Variants in ACTG2 observed in about 807,000 individuals in gnomAD.
ACTG2 encodes the protein actin gamma 2, smooth muscle, also known as actin, gamma-enteric smooth muscle.
A neutral mutation model predicts 37.6 loss-of-function variants in ACTG2; 16 were observed. That is an observed-to-expected ratio of 0.43 (90% CI 0.29 to 0.65). The LOEUF is 0.65. ACTG2 is among the 30% of genes least tolerant of loss of function. ACTG2 has a pLI of 0.18. For synonymous variants in ACTG2, 181 were observed against 179.9 expected (o/e 1.01, Z -0.05); for missense variants, 238 against 490.9 (o/e 0.48, Z 4.87).
At chr2:73,906,984 C>T (rs1285055061) in intron 3 of ACTG2, among the ~76,000 whole-genome samples, 12 of 152,168 alleles carry the variant, frequency 7.9e-5, no homozygotes, top group Non-Finnish European at 2.9e-5. Flanking sequence ...CTCCTTAAGA[C>T]CAGTTGCTGT....
Position 73,917,505 on chromosome 2 carries a change from G to T in ACTG2, c.987+740G>T, listed in dbSNP as rs117970165. 8.7e-4 allele frequency among the ~76,000 whole-genome samples: 133 copies of T among 152,300 alleles called. 1 individual carries two copies. The East Asian group carries it at 0.023, about 27-fold the overall frequency. On this transcript the variant is annotated intron_variant, in intron 8 of 8. Transcript: ENST00000345517. ...GGATGGGAGCTTCTCTTCTGCCTCT[G>T]GTCTCCAAGCAGTCACACAGACATT...
chr2:73,904,779 A>C (rs1721246), intron 3 of ACTG2, among the ~76,000 whole-genome samples: 1 of 13,526 alleles, frequency 7.4e-5, no homozygotes, highest in Non-Finnish European at 1.5e-4. Flanking sequence ...GTGTGTGTGT[A>C]TATATATATA....
At chr2:73,893,856 T>C (rs34588812) in intron 1 of ACTG2, among the ~76,000 whole-genome samples, 39,468 of 152,024 alleles carry the variant, frequency 0.26, 5,765 homozygotes, top group African/African-American at 0.39. Context: ...GAAGATGAGA[T>C]GAAGGGGCCA....
At chr2:73,896,454 G>A (rs917265106) in intron 1 of ACTG2, among the ~76,000 whole-genome samples, 8 of 151,892 alleles carry the variant, frequency 5.3e-5, no homozygotes, top group Non-Finnish European at 1.0e-4. Flanking sequence ...CTTCATTTCC[G>A]TTCTGTCATC....
At chr2:73,904,670 A>T (rs1340394786) in intron 3 of ACTG2, among the ~76,000 whole-genome samples, 2 of 149,566 alleles carry the variant, frequency 1.3e-5, no homozygotes, top group African/African-American at 4.9e-5. Context: ...TTTTTTTTTA[A>T]AAATGTATAT....
At chr2:73,915,362 A>G (rs1680240840) in intron 7 of ACTG2, among the ~76,000 whole-genome samples, 1 of 151,900 alleles carries the variant, frequency 6.6e-6, no homozygotes, top group African/African-American at 2.4e-5. Flanking sequence ...TCTATGAAAA[A>G]TACAAAATTT....
At chr2:73,898,371 T>TTTTTTTTTTTTGAG (rs1679798255) in intron 1 of ACTG2, among the ~76,000 whole-genome samples, 5 of 133,802 alleles carry the variant, frequency 3.7e-5, no homozygotes, top group Non-Finnish European at 8.4e-5. Context: ...TCTATTGTAT[T>TTTTTTTTTTTTGAG]AAATATTTCA....
chr2:73,912,264 T>C (rs1431600214), intron 5 of ACTG2, among the ~76,000 whole-genome samples: 5 of 152,216 alleles, frequency 3.3e-5, no homozygotes, highest in Admixed American at 6.5e-5. Flanking sequence ...TTCAAGCGAT[T>C]CTCCTGCCTC....
intron 3 of ACTG2, among the ~76,000 whole-genome samples, chr2:73,904,464 C>G (rs1679963933): frequency 6.6e-6 from 1 of 151,480 alleles, no homozygotes; most frequent in South Asian, 2.1e-4. Flanking sequence ...TTGAGTCCAG[C>G]CTGGCCAACC....
chr2:73,898,371 T>TTTTTTTTTTGAGACGG (rs1679798255), intron 1 of ACTG2, among the ~76,000 whole-genome samples: 2 of 133,804 alleles, frequency 1.5e-5, no homozygotes, highest in Non-Finnish European at 3.3e-5. Context: ...TCTATTGTAT[T>TTTTTTTTTTGAGACGG]AAATATTTCA....
rs748051467 is a variant in ACTG2 at position 73,914,903 on chromosome 2, CAGGAG to C, written c.805+33_805+37del. On this transcript the variant is annotated intron_variant, in intron 7 of 8. Transcript: ENST00000345517. ...TGCTGCCCACAGTCCCTGCCAATCT[CAGGAG>C]GGGAGGGTGGAGGAGTGGGTGAGGT... is the stretch of plus-strand genomic sequence containing the variant. 9 of 1,484,724 alleles carry C rather than the reference CAGGAG, an allele frequency of 6.1e-6. No individual in the cohort carries two copies. The South Asian group carries it at 1.3e-4, about 21-fold the overall frequency. 92.0% of individuals were successfully genotyped at this position (1,484,724 alleles called of 1,614,324 possible). A position where few individuals can be genotyped will look rare whatever the true frequency, so the allele number is the denominator to read the frequency against.
chr2:73,910,975 G>C (rs1399300876), intron 5 of ACTG2, among the ~76,000 whole-genome samples: 1 of 146,336 alleles, frequency 6.8e-6, no homozygotes, highest in Non-Finnish European at 1.5e-5. Flanking sequence ...ATACACATTA[G>C]CCTCGGCCTA....
chr2:73,900,216 T>G (rs1027148874), intron 1 of ACTG2, among the ~76,000 whole-genome samples: 4 of 152,204 alleles, frequency 2.6e-5, no homozygotes, highest in African/African-American at 9.7e-5. Context: ...GAAGTCTGCC[T>G]GCCCAGCCCC....
intron 1 of ACTG2, among the ~76,000 whole-genome samples, chr2:73,899,648 A>G (rs1326666508): frequency 1.3e-5 from 2 of 152,184 alleles, no homozygotes; most frequent in East Asian, 3.9e-4. Context: ...CACATGAGAA[A>G]GGGTCAAGAG....
intron 3 of ACTG2, among the ~76,000 whole-genome samples, chr2:73,906,668 G>C (rs138251123): frequency 6.6e-6 from 1 of 151,868 alleles, no homozygotes; most frequent in African/African-American, 2.4e-5. Context: ...TGTAGAGACA[G>C]GGTCTCACTT....
intron 3 of ACTG2, among the ~76,000 whole-genome samples, chr2:73,903,899 C>T (rs993127351): frequency 7.0e-6 from 1 of 142,512 alleles, no homozygotes; most frequent in African/African-American, 2.6e-5. Context: ...GAGATTGTGC[C>T]ACTGCACTCC....
At chr2:73,900,414 G>A (rs532633659) in intron 1 of ACTG2, among the ~76,000 whole-genome samples, 47 of 152,352 alleles carry the variant, frequency 3.1e-4, no homozygotes, top group Admixed American at 1.3e-3. Context: ...AAGGAAGGCA[G>A]AAAAAGAGAA....
rs573254542 is a variant in ACTG2, at chr2:73,909,990, G to A, written c.451+851G>A. ...AGCACTTTGTGAGGCTGAGGTGGGC[G>A]GATCACCTGAGGTCAGGAGTTCCAG... On this transcript the variant is annotated intron_variant, in intron 5 of 8. Transcript: ENST00000345517. 1.4e-4 allele frequency among the ~76,000 whole-genome samples: 22 copies of A among 152,184 alleles called. No homozygotes were observed. In the East Asian group the frequency reaches 3.3e-3, roughly 23 times the overall value.
chr2:73,903,581 A>G (rs1679936551), intron 3 of ACTG2, among the ~76,000 whole-genome samples: 1 of 152,256 alleles, frequency 6.6e-6, no homozygotes, highest in African/African-American at 2.4e-5. Flanking sequence ...ATCCCAAGGC[A>G]TGGAACATAC....
Sources: gnomAD v4.1 joint callset for allele counts (sites outside exome capture counted in the v4.1 genomes callset) on GRCh38, gnomAD v4.1.1 for gene constraint, MANE v1.5 for transcripts, NCBI Gene and HGNC (gene_info 2026-07-23, HGNC 2026-07-21) for gene names.